Variants in UNC5D observed in about 807,000 individuals in gnomAD.
The protein encoded by UNC5D is unc-5 netrin receptor D.
UNC5D carries 39 observed loss-of-function variants against 105.4 expected under a neutral mutation model. The observed-to-expected ratio is 0.37, with a 90% CI of 0.29 to 0.48. The LOEUF (loss-of-function observed/expected upper bound fraction) is 0.48. UNC5D is among the 20% of genes least tolerant of loss of function. The pLI, the probability that UNC5D is intolerant of heterozygous loss-of-function variation, is 0.98. For missense variants in UNC5D, 991 were observed against 1,202.4 expected (o/e 0.82, Z 2.60); for synonymous variants, 452 against 450.4 (o/e 1.00, Z -0.04).
intron 1 of UNC5D, among the ~76,000 whole-genome samples, chr8:35,530,028 A>G (rs1268929808): frequency 2.0e-5 from 3 of 150,036 alleles, no homozygotes; most frequent in African/African-American, 7.3e-5. Context: ...CTAATTGAAT[A>G]CCCTTTATTT....
intron 1 of UNC5D, among the ~76,000 whole-genome samples, chr8:35,437,328 G>A (rs1188795196): frequency 1.3e-5 from 2 of 151,536 alleles, no homozygotes; most frequent in Non-Finnish European, 2.9e-5. Flanking sequence ...CTCCAGCATG[G>A]AATGAGTAGA....
chr8:35,463,493 A>C (rs1452079481), intron 1 of UNC5D, among the ~76,000 whole-genome samples: 1 of 152,162 alleles, frequency 6.6e-6, no homozygotes, highest in East Asian at 1.9e-4. Context: ...ATCTTACAGA[A>C]GTCAATGATA....
At chr8:35,349,468 T>C (rs926870082) in intron 1 of UNC5D, among the ~76,000 whole-genome samples, 1 of 152,002 alleles carries the variant, frequency 6.6e-6, no homozygotes, top group Non-Finnish European at 1.5e-5. Context: ...GAAAAGCTTT[T>C]GTATATTAGA....
At chr8:35,533,202 T>C (rs2130564353) in intron 1 of UNC5D, among the ~76,000 whole-genome samples, 1 of 152,336 alleles carries the variant, frequency 6.6e-6, no homozygotes, top group East Asian at 1.9e-4. Flanking sequence ...TCTTTGATGC[T>C]GGTAATGTAC....
chr8:35,777,209 G>A (rs971566761), intron 16 of UNC5D, among the ~76,000 whole-genome samples: 7 of 152,166 alleles, frequency 4.6e-5, no homozygotes, highest in Non-Finnish European at 1.0e-4. Context: ...AGCCGAGATC[G>A]CATCACTGCG....
chr8:35,256,829 G>A (rs1804105852), intron 1 of UNC5D, among the ~76,000 whole-genome samples: 1 of 151,876 alleles, frequency 6.6e-6, no homozygotes, highest in Admixed American at 6.6e-5. Context: ...AGACCCAGCT[G>A]TAGTTTGTTT....
At chr8:35,503,765 G>A (rs1812121798) in intron 1 of UNC5D, among the ~76,000 whole-genome samples, 1 of 152,166 alleles carries the variant, frequency 6.6e-6, no homozygotes, top group African/African-American at 2.4e-5. Flanking sequence ...TGCTCCCTCT[G>A]AATCATCGTC....
chr8:35,615,023 A>G (rs1820926003), intron 4 of UNC5D, among the ~76,000 whole-genome samples: 1 of 130,088 alleles, frequency 7.7e-6, no homozygotes, highest in Non-Finnish European at 1.6e-5. Context: ...CAGCCTGGGC[A>G]ACATAGTGAG....
chr8:35,368,285 A>G (rs1358883786), intron 1 of UNC5D, among the ~76,000 whole-genome samples: 3 of 152,178 alleles, frequency 2.0e-5, no homozygotes, highest in Non-Finnish European at 4.4e-5. Flanking sequence ...AGGTTCACCA[A>G]TTACTGGCAT....
chr8:35,699,196 A>C (rs1344296828), intron 7 of UNC5D, among the ~76,000 whole-genome samples: 1 of 152,186 alleles, frequency 6.6e-6, no homozygotes, highest in African/African-American at 2.4e-5. Flanking sequence ...TCAATGATTG[A>C]GCTCAAAAAT....
chr8:35,577,242 A>G (rs1293434568), intron 3 of UNC5D, among the ~76,000 whole-genome samples: 1 of 152,188 alleles, frequency 6.6e-6, no homozygotes, highest in Non-Finnish European at 1.5e-5. Flanking sequence ...TTCTAGGGGC[A>G]TTATCTTAGT....
chr8:35,652,741 A>T (rs1823500075), intron 4 of UNC5D, among the ~76,000 whole-genome samples: 1 of 151,672 alleles, frequency 6.6e-6, no homozygotes, highest in Non-Finnish European at 1.5e-5. Context: ...ACATGTTATC[A>T]TCTTGAAGAA....
At chr8:35,644,352 A>G (rs1822924887) in intron 4 of UNC5D, among the ~76,000 whole-genome samples, 1 of 152,076 alleles carries the variant, frequency 6.6e-6, no homozygotes, top group Non-Finnish European at 1.5e-5. Context: ...TTTCTTATTA[A>G]CACAGCTGAT....
intron 2 of UNC5D, among the ~76,000 whole-genome samples, chr8:35,555,197 C>G (rs567587754): frequency 6.6e-6 from 1 of 152,108 alleles, no homozygotes; most frequent in Non-Finnish European, 1.5e-5. Context: ...TTTATGGAAG[C>G]CTTCTCCCTC....
At chr8:35,317,732 C>T (rs929860123) in intron 1 of UNC5D, among the ~76,000 whole-genome samples, 12 of 151,926 alleles carry the variant, frequency 7.9e-5, no homozygotes, top group African/African-American at 2.4e-4. Flanking sequence ...ACATATTTTA[C>T]GTGACGTAAA....
chr8:35,516,574 A>G (rs1014219947), intron 1 of UNC5D, among the ~76,000 whole-genome samples: 3 of 152,150 alleles, frequency 2.0e-5, no homozygotes, highest in African/African-American at 7.2e-5. Context: ...TTTGTACTGG[A>G]TTTGCTCAAG....
intron 1 of UNC5D, among the ~76,000 whole-genome samples, chr8:35,512,535 G>GTGTATA (rs1163798673): frequency 3.9e-4 from 13 of 33,420 alleles, no homozygotes; most frequent in South Asian, 1.1e-3. Flanking sequence ...ATTCAGATAT[G>GTGTATA]TATGTATATA....
intron 1 of UNC5D, among the ~76,000 whole-genome samples, chr8:35,476,334 T>C (rs529182167): frequency 6.6e-6 from 1 of 152,328 alleles, no homozygotes; most frequent in South Asian, 2.1e-4. Flanking sequence ...TGAGGTCAAC[T>C]AGACACTTCC....
intron 13 of UNC5D, 46 bp from the exon 14 acceptor site, chr8:35,759,274 C>T: frequency 1.9e-6 from 3 of 1,595,256 alleles, no homozygotes; most frequent in Non-Finnish European, 2.6e-6. Flanking sequence ...ATGTAAGTAG[C>T]AGGATATTTC....
Sources: gnomAD v4.1 joint callset for allele counts (sites outside exome capture counted in the v4.1 genomes callset) on GRCh38, gnomAD v4.1.1 for gene constraint, MANE v1.5 for transcripts, NCBI Gene and HGNC (gene_info 2026-07-23, HGNC 2026-07-21) for gene names.